Variants in EHBP1 observed in about 807,000 individuals in gnomAD.
EHBP1 encodes EH domain binding protein 1.
In EHBP1, 55 loss-of-function variants were observed where a neutral mutation model predicts 144.0. The observed-to-expected ratio is 0.38, with a 90% CI of 0.31 to 0.48. EHBP1 has a LOEUF of 0.48. Among genes scored for constraint, EHBP1 ranks in the 20% least tolerant of loss-of-function variants. EHBP1 has a pLI of 0.98. For missense variants in EHBP1, 1,200 were observed against 1,364.2 expected, an observed-to-expected ratio of 0.88 and a Z score of 1.90; for synonymous variants, 469 against 472.7, an observed-to-expected ratio of 0.99 and a Z score of 0.10.
intron 5 of EHBP1, among the ~76,000 whole-genome samples, chr2:62,816,739 C>T (rs1054215346): frequency 3.9e-5 from 6 of 152,126 alleles, no homozygotes; most frequent in African/African-American, 1.4e-4. Flanking sequence ...TCTCCTAATT[C>T]TATAATGTTT....
intron 10 of EHBP1, among the ~76,000 whole-genome samples, chr2:62,907,273 G>A (rs142018235): frequency 4.8e-4 from 73 of 152,294 alleles, no homozygotes; most frequent in Non-Finnish European, 6.2e-4. Context: ...GATTGATCCA[G>A]ATTCACTACA....
At chr2:63,008,899 C>T (rs2060158368) in intron 19 of EHBP1, among the ~76,000 whole-genome samples, 1 of 151,486 alleles carries the variant, frequency 6.6e-6, no homozygotes, top group Non-Finnish European at 1.5e-5. Context: ...TTCTTGTATG[C>T]AAATTTTGTA....
intron 10 of EHBP1, among the ~76,000 whole-genome samples, chr2:62,889,702 G>T (rs1165557561): frequency 6.6e-6 from 1 of 152,150 alleles, no homozygotes; most frequent in Non-Finnish European, 1.5e-5. Context: ...AGATCAGATA[G>T]TTGTAAGGAT....
intron 2 of EHBP1, among the ~76,000 whole-genome samples, chr2:62,742,848 C>A (rs559379034): frequency 1.3e-4 from 20 of 152,148 alleles, no homozygotes; most frequent in Admixed American, 5.2e-4. Context: ...TCTGTCTGTT[C>A]ATAATTAATT....
At chr2:62,724,184 T>A (rs763401418) in intron 2 of EHBP1, among the ~76,000 whole-genome samples, 1 of 152,254 alleles carries the variant, frequency 6.6e-6, no homozygotes, top group Non-Finnish European at 1.5e-5. Context: ...TCATTCTTTT[T>A]TGTCTATTCT....
chr2:62,845,645 C>CAGTA (rs2048239099), intron 7 of EHBP1, among the ~76,000 whole-genome samples: 1 of 151,164 alleles, frequency 6.6e-6, no homozygotes, highest in African/African-American at 2.4e-5. Flanking sequence ...ATCCACCCAC[C>CAGTA]AGTACCTAGG....
chr2:62,789,938 C>T (rs569057312), intron 5 of EHBP1, among the ~76,000 whole-genome samples: 75 of 152,236 alleles, frequency 4.9e-4, no homozygotes, highest in Non-Finnish European at 9.3e-4. Context: ...TGAAGTAGCA[C>T]CTTTAGTTTT....
At chr2:62,789,273 G>C (rs990772669) in intron 5 of EHBP1, among the ~76,000 whole-genome samples, 1 of 152,170 alleles carries the variant, frequency 6.6e-6, no homozygotes, top group Non-Finnish European at 1.5e-5. Flanking sequence ...TATATATGTA[G>C]TAGAAAAAGA....
At chr2:62,973,270 T>A (rs972131243) in intron 14 of EHBP1, among the ~76,000 whole-genome samples, 1 of 152,246 alleles carries the variant, frequency 6.6e-6, no homozygotes, top group Middle Eastern at 3.2e-3. Context: ...ATTCCAGCTA[T>A]GTAAGAAGTT....
chr2:62,970,683 C>G (rs1395783111), intron 14 of EHBP1, among the ~76,000 whole-genome samples: 4 of 152,078 alleles, frequency 2.6e-5, no homozygotes, highest in Non-Finnish European at 5.9e-5. Context: ...CCATGGCAGC[C>G]ATTTTTATTT....
At chr2:62,833,870 C>G (rs2047013013) in intron 7 of EHBP1, among the ~76,000 whole-genome samples, 1 of 152,134 alleles carries the variant, frequency 6.6e-6, no homozygotes, top group Non-Finnish European at 1.5e-5. Flanking sequence ...GTTCTAGATG[C>G]CATTAAGAAT....
At chr2:62,929,399 C>G (rs2055797843) in intron 10 of EHBP1, among the ~76,000 whole-genome samples, 1 of 152,052 alleles carries the variant, frequency 6.6e-6, no homozygotes, top group Non-Finnish European at 1.5e-5. Flanking sequence ...GGGATTTATG[C>G]CTGGAGTGCA....
Position 62,831,165 on chromosome 2 carries a change from T to G in EHBP1, c.634+7T>G. On this transcript the variant is annotated splice_region_variant and intron_variant, in intron 7 of 22. Transcript: ENST00000431489. The stretch of plus-strand genomic sequence containing the variant: ...AAGGCAGCTAAAATTACAGGTTGGT[T>G]TTATTAGCATTAAACTAAAAGTTTA... 6.3e-7 allele frequency: 1 copy of G among 1,586,398 alleles called. No homozygotes were observed. Among genetic ancestry groups the G allele is most frequent in the South Asian group, 1.2e-5 (1 of 86,134 alleles).
intron 10 of EHBP1, among the ~76,000 whole-genome samples, chr2:62,882,016 C>G (rs2051471758): frequency 6.6e-6 from 1 of 152,162 alleles, no homozygotes; most frequent in Non-Finnish European, 1.5e-5. Context: ...GATTTTGGAA[C>G]CATACTCTAC....
intron 5 of EHBP1, among the ~76,000 whole-genome samples, chr2:62,776,487 AG>A (rs1057301691): frequency 3.3e-5 from 5 of 152,224 alleles, no homozygotes; most frequent in African/African-American, 1.2e-4. Context: ...AAGAATATAA[AG>A]GAAAGAAAAC....
At chr2:63,020,961 A>C (rs761800690) in intron 19 of EHBP1, among the ~76,000 whole-genome samples, 34 of 137,210 alleles carry the variant, frequency 2.5e-4, no homozygotes, top group South Asian at 4.7e-4. Context: ...TACAGGTATG[A>C]GCCACCGTGC....
At chr2:62,719,088 C>T (rs2035959383) in intron 2 of EHBP1, among the ~76,000 whole-genome samples, 1 of 151,236 alleles carries the variant, frequency 6.6e-6, no homozygotes, top group South Asian at 2.1e-4. Context: ...ATCTCAGCCT[C>T]CTGAGTAGCT....
At chr2:63,022,892 G>A (rs972601572) in intron 19 of EHBP1, among the ~76,000 whole-genome samples, 1 of 152,106 alleles carries the variant, frequency 6.6e-6, no homozygotes, top group African/African-American at 2.4e-5. Context: ...AAACATTAGA[G>A]GCCGGGCACA....
At chr2:62,947,352 A>G (rs1257986574) in intron 12 of EHBP1, among the ~76,000 whole-genome samples, 1 of 152,234 alleles carries the variant, frequency 6.6e-6, no homozygotes, top group Non-Finnish European at 1.5e-5. Flanking sequence ...AGACTGATTC[A>G]TTCTCAATTG....
Sources: allele counts gnomAD v4.1 joint callset (sites outside exome capture counted in the v4.1 genomes callset), GRCh38; gene constraint gnomAD v4.1.1; transcripts MANE v1.5; gene names NCBI Gene and HGNC (gene_info 2026-07-23, HGNC 2026-07-21).